Variants in PDGFD observed in about 807,000 individuals in gnomAD.
PDGFD encodes platelet derived growth factor D.
In PDGFD, 30 loss-of-function variants were observed where a neutral mutation model predicts 44.7. The ratio of observed to expected loss-of-function variants is 0.67; its 90% CI spans 0.50 to 0.91. The LOEUF (loss-of-function observed/expected upper bound fraction) is 0.91, where lower values mean the gene tolerates loss of function less well. Among genes scored for constraint, PDGFD ranks in the 40% least tolerant of loss-of-function variants. PDGFD has a pLI of 0.00. For missense variants in PDGFD, 445 were observed against 457.8 expected (o/e 0.97, Z 0.25); for synonymous variants, 173 against 168.4 (o/e 1.03, Z -0.21).
chr11:103,953,860 T>C (rs1475011224), intron 3 of PDGFD, among the ~76,000 whole-genome samples: 1 of 152,198 alleles, frequency 6.6e-6, no homozygotes, highest in Non-Finnish European at 1.5e-5. Context: ...CGTTCTAGCA[T>C]GGTCACATTT....
chr11:104,144,349 T>C (rs781589801), intron 1 of PDGFD, among the ~76,000 whole-genome samples: 11 of 151,194 alleles, frequency 7.3e-5, no homozygotes, highest in Non-Finnish European at 1.5e-4. Flanking sequence ...TTACTAAAAA[T>C]ACAAAAATTA....
At chr11:104,157,439 C>G (rs74881442) in intron 1 of PDGFD, among the ~76,000 whole-genome samples, 11,389 of 152,202 alleles carry the variant, frequency 0.075, 502 homozygotes, top group East Asian at 0.11. Context: ...AATGGCTTAC[C>G]ACAGCTCTCA....
intron 1 of PDGFD, among the ~76,000 whole-genome samples, chr11:104,144,851 A>C (rs1380518132): frequency 6.6e-6 from 1 of 152,198 alleles, no homozygotes; most frequent in Admixed American, 6.5e-5. Flanking sequence ...AAGATGGCCT[A>C]ACCTACCTCT....
intron 1 of PDGFD, among the ~76,000 whole-genome samples, chr11:104,110,429 A>G (rs1359935795): frequency 6.6e-6 from 1 of 151,836 alleles, no homozygotes; most frequent in Non-Finnish European, 1.5e-5. Context: ...AATGCCAGTA[A>G]TATGAGGCAT....
At chr11:103,939,031 G>A (rs1438778706) in intron 5 of PDGFD, among the ~76,000 whole-genome samples, 9 of 152,050 alleles carry the variant, frequency 5.9e-5, no homozygotes, top group East Asian at 1.9e-4. Flanking sequence ...TTGACTTGGC[G>A]ATGTGGGCTC....
chr11:104,079,472 C>G (rs1861012975), intron 1 of PDGFD, among the ~76,000 whole-genome samples: 1 of 152,076 alleles, frequency 6.6e-6, no homozygotes, highest in South Asian at 2.1e-4. Flanking sequence ...ACTGCAACCT[C>G]CGGCTCCCGG....
chr11:104,069,558 T>C (rs1463436985), intron 1 of PDGFD, among the ~76,000 whole-genome samples: 1 of 152,202 alleles, frequency 6.6e-6, no homozygotes, highest in African/African-American at 2.4e-5. Flanking sequence ...ATTATTAATA[T>C]GATGGCTAAA....
chr11:104,049,519 C>T (rs1860493931), intron 1 of PDGFD, among the ~76,000 whole-genome samples: 1 of 151,888 alleles, frequency 6.6e-6, no homozygotes, highest in Admixed American at 6.6e-5. Context: ...AAAGGAAAGA[C>T]ATTTGATTTT....
At chr11:104,102,168 A>C (rs1052074264) in intron 1 of PDGFD, among the ~76,000 whole-genome samples, 9 of 152,236 alleles carry the variant, frequency 5.9e-5, no homozygotes, top group East Asian at 1.9e-4. Context: ...ACATTTTTGC[A>C]ATCTACTCAT....
chr11:104,082,001 A>G (rs545036675), intron 1 of PDGFD, among the ~76,000 whole-genome samples: 125 of 151,948 alleles, frequency 8.2e-4, no homozygotes, highest in African/African-American at 2.7e-3. Flanking sequence ...TAAATAATGG[A>G]CTTGGTGTAG....
chr11:103,940,567 T>G (rs1277731868), intron 5 of PDGFD, among the ~76,000 whole-genome samples: 1 of 152,146 alleles, frequency 6.6e-6, no homozygotes, highest in Non-Finnish European at 1.5e-5. Context: ...GTTTATTCAC[T>G]GCTCCCCTCC....
chr11:103,937,219 T>C (rs1401975253), intron 5 of PDGFD, among the ~76,000 whole-genome samples: 1 of 152,206 alleles, frequency 6.6e-6, no homozygotes, highest in East Asian at 1.9e-4. Context: ...TAATTATTAA[T>C]TTAAAACTAT....
intron 1 of PDGFD, among the ~76,000 whole-genome samples, chr11:104,021,420 C>T (rs927230942): frequency 1.3e-5 from 2 of 152,038 alleles, no homozygotes; most frequent in Non-Finnish European, 2.9e-5. Context: ...ATTTTCCTGC[C>T]CCATTGATAC....
chr11:103,978,276 A>G (rs1859213345), intron 3 of PDGFD, among the ~76,000 whole-genome samples: 1 of 152,032 alleles, frequency 6.6e-6, no homozygotes, highest in Admixed American at 6.6e-5. Flanking sequence ...TGGTGTTCTT[A>G]AGGTTGCAGG....
chr11:103,982,757 T>C (rs900355031), intron 3 of PDGFD, among the ~76,000 whole-genome samples: 7 of 151,760 alleles, frequency 4.6e-5, no homozygotes, highest in African/African-American at 1.7e-4. Context: ...TCACTAGCAT[T>C]CTTAGACACC....
intron 1 of PDGFD, among the ~76,000 whole-genome samples, chr11:104,140,507 C>G (rs954642113): frequency 2.1e-5 from 3 of 145,996 alleles, no homozygotes; most frequent in Non-Finnish European, 4.5e-5. Flanking sequence ...CACAGGGAAA[C>G]AGGAATGTTC....
At chr11:104,015,309 TTTC>T (rs1253054240) in intron 1 of PDGFD, among the ~76,000 whole-genome samples, 1 of 152,196 alleles carries the variant, frequency 6.6e-6, no homozygotes, top group African/African-American at 2.4e-5. Context: ...AAGATTCTCT[TTTC>T]TTCTTAGATT....
intron 1 of PDGFD, among the ~76,000 whole-genome samples, chr11:104,062,559 G>A (rs7930019): frequency 0.23 from 34,304 of 151,988 alleles, 4,271 homozygotes; most frequent in Non-Finnish European, 0.28. Context: ...GAATACGTTA[G>A]GAATAATTAC....
intron 3 of PDGFD, among the ~76,000 whole-genome samples, chr11:103,981,494 T>C (rs1565301805): frequency 3.3e-5 from 5 of 151,784 alleles, no homozygotes; most frequent in African/African-American, 1.2e-4. Context: ...ACAGACTGTG[T>C]ACCAAACCCG....
Sources: allele counts gnomAD v4.1 joint callset (sites outside exome capture counted in the v4.1 genomes callset), GRCh38; gene constraint gnomAD v4.1.1; transcripts MANE v1.5; gene names NCBI Gene and HGNC (gene_info 2026-07-23, HGNC 2026-07-21).